Variants in CHD3 observed in about 807,000 individuals in gnomAD.
CHD3 encodes ATP-dependent chromatin remodeler CHD3.
A neutral mutation model predicts 248.9 loss-of-function variants in CHD3; 52 were observed. That is an observed-to-expected ratio of 0.21 (90% CI 0.17 to 0.26). CHD3 has a LOEUF of 0.26. CHD3 is among the 10% of genes least tolerant of loss of function. The pLI is 1.00. For synonymous variants in CHD3, 985 were observed against 985.2 expected, an observed-to-expected ratio of 1.00 and a Z score of 0.00; for missense variants, 1,482 against 2,605.8, an observed-to-expected ratio of 0.57 and a Z score of 9.39.
chr17:7,897,290 C>T lies in CHD3; in HGVS notation c.1915C>T (p.His639Tyr). Residue 639 changes from histidine to tyrosine, a missense_variant, in exon 11 of 40, where the codon CAC (histidine) becomes TAC (tyrosine). His to Tyr is a moderately conservative substitution (Grantham distance 83). Around this residue, in one of 20 missense-constraint regions of CHD3, gnomAD observed 127 missense variants for 188.3 expected, o/e 0.67. Transcript: ENST00000330494. This position sits in a 1 kb window ranked among gnomAD's most constrained non-coding sequence, Gnocchi z 4.8. Reference sequence around the variant, plus strand: ...GATGACCGTCCACCGCATCATCAACCACAGGTGAATCCTCGGTCCCTGGGA... The same window carrying T: ...GATGACCGTCCACCGCATCATCAACTACAGGTGAATCCTCGGTCCCTGGGA... ...EWMTVHRIIN[H>Y]SVDKKGNYHY... The T allele has an allele frequency of 6.2e-7, 1 of 1,613,264 alleles. No individual in the cohort carries two copies. Among genetic ancestry groups the T allele is most frequent in the South Asian group, 1.1e-5 (1 of 91,072 alleles).
chr17:7,890,884 C>T (rs12450454), intron 3 of CHD3, 56 bp from the exon 4 acceptor site: 156 of 1,608,320 alleles, frequency 9.7e-5, no homozygotes, highest in Non-Finnish European at 8.1e-5. Flanking sequence ...GGCCTGTGTG[C>T]GGCCTGGAAT....
chr17:7,891,722 G>T (rs1230307074), intron 4 of CHD3, among the ~76,000 whole-genome samples: 1 of 152,072 alleles, frequency 6.6e-6, no homozygotes, highest in South Asian at 2.1e-4. Context: ...TTAGCTGGGC[G>T]TGGTGGCACA....
At position 7,907,801 on chromosome 17, in the gene CHD3, T is replaced by A; in HGVS notation, c.5027-93T>A. On this transcript the variant is annotated intron_variant, in intron 33 of 39. Coordinates refer to ENST00000330494, the MANE Select transcript of CHD3 (RefSeq NM_001005273.3). This position sits in a 1 kb window ranked among gnomAD's most constrained non-coding sequence, Gnocchi z 4.3. ...CTTGGGTCCTGGGCGGGTAGCTGTT[T>A]GAAAGGCCAGTACAGTACAGTACAG... is the stretch of plus-strand genomic sequence containing the variant. 6.6e-7 allele frequency: 1 copy of A among 1,516,282 alleles called. No individual in the cohort carries two copies. Among genetic ancestry groups the A allele is most frequent in the Non-Finnish European group, 8.8e-7 (1 of 1,133,902 alleles). 93.9% of individuals were successfully genotyped at this position (1,516,282 alleles called of 1,614,324 possible). A position where few individuals can be genotyped will look rare whatever the true frequency, so the allele number is the denominator to read the frequency against.
In CHD3 at chr17:7,899,106, C is replaced by T; in HGVS notation, c.2247C>T (p.Phe749=). Reference sequence around the variant, plus strand: ...TGGAAGGGCTGAACTGGCTACGCTTCTCCTGGGCCCAGGGCACTGACACCA... The same window carrying T: ...TGGAAGGGCTGAACTGGCTACGCTTTTCCTGGGCCCAGGGCACTGACACCA... ...YQLEGLNWLR[F]SWAQGTDTIL... Residue 749 remains phenylalanine (F), a synonymous_variant, in exon 14 of 40, where the codon TTC becomes TTT. Coordinates refer to ENST00000330494, the MANE Select transcript of CHD3 (RefSeq NM_001005273.3). This position sits in a 1 kb window ranked among gnomAD's most constrained non-coding sequence, Gnocchi z 6.8. 6.2e-7 allele frequency: 1 copy of T among 1,614,190 alleles called. No homozygotes were observed. The highest frequency in any genetic ancestry group is 1.3e-5 in the African/African-American group (1 of 75,038).
At chr17:7,885,818 G>T (rs1967831943), upstream of CHD3, among the ~76,000 whole-genome samples, 1 of 152,216 alleles carries the variant, frequency 6.6e-6, no homozygotes, top group Non-Finnish European at 1.5e-5. Flanking sequence ...ATGAGTAGGG[G>T]CAGGTGGTGG....
rs1971130859 is a variant in CHD3, at chr17:7,907,553, G to A, written c.4925-48G>A. 6.5e-7 allele frequency: 1 copy of A among 1,528,634 alleles called. No individual in the cohort carries two copies. The allele number at this position is 1,528,634 out of a possible 1,614,324, so 94.7% of individuals were successfully genotyped here. ...TGGGATTTCCCTCTTCTGGGGTCAGGGGATGAGGGTAACATCCTCCCTTCC... is the reference window on the plus strand; with the variant it reads ...TGGGATTTCCCTCTTCTGGGGTCAGAGGATGAGGGTAACATCCTCCCTTCC... On this transcript the variant is annotated intron_variant, in intron 32 of 39. Transcript: ENST00000330494. This position sits in a 1 kb window ranked among gnomAD's most constrained non-coding sequence, Gnocchi z 4.3.
chr17:7,894,852 T>C, intron 8 of CHD3, 65 bp from the exon 9 acceptor site: 4 of 1,588,676 alleles, frequency 2.5e-6, no homozygotes, highest in Non-Finnish European at 3.4e-6. Context: ...TGTCTTTGCC[T>C]GTATCTTCCA....
At position 7,909,303 on chromosome 17, in the gene CHD3, C is replaced by G; in HGVS notation, c.5555C>G (p.Ala1852Gly). The change falls in exon 37 of 40, where the codon GCG (alanine) becomes GGG (glycine). Residue 1852 changes from alanine (A) to glycine (G), a missense_variant. This residue lies in a region of CHD3 where 83 missense variants were observed against 181.0 expected (regional missense o/e 0.46). Transcript: ENST00000330494. This position sits in a 1 kb window ranked among gnomAD's most constrained non-coding sequence, Gnocchi z 8.1. ...CAGCACCTCTCCAAGGAGTCGCTGG[C>G]GGGGAACAAGCCGGCCAACGCCGTC... ...SHQHLSKESLAGNKPANAVLH... is the reference protein window; with the variant it reads ...SHQHLSKESLGGNKPANAVLH... 1 of 1,561,080 alleles carries G rather than the reference C, an allele frequency of 6.4e-7. No individual in the cohort carries two copies. The highest frequency in any genetic ancestry group is 8.7e-7 in the Non-Finnish European group (1 of 1,154,442).
In CHD3 at chr17:7,912,188, G is replaced by A. The variant is rs1971743386; in HGVS notation, c.*603G>A. On this transcript the variant is annotated 3_prime_UTR_variant, in exon 40 of 40. Coordinates refer to ENST00000330494, the MANE Select transcript of CHD3 (RefSeq NM_001005273.3). ...TGTTCAGCCTCAGAATAAAGGTGCC[G>A]TTCACTGGCTCAGTTACCTCCTGTG... 1 of 179,308 alleles carries A rather than the reference G, an allele frequency of 5.6e-6. No homozygotes were observed. The highest frequency in any genetic ancestry group is 1.2e-5 in the Non-Finnish European group (1 of 86,354). 11.1% of individuals were successfully genotyped at this position (179,308 alleles called of 1,614,324 possible).
rs1969820008 is a variant in CHD3, at chr17:7,897,404, G to T, written c.1919+110G>T. 2.1e-6 allele frequency: 2 copies of T among 952,004 alleles called. No individual in the cohort carries two copies. Among genetic ancestry groups the T allele is most frequent in the Non-Finnish European group, 3.2e-6 (2 of 623,678 alleles). 59.0% of individuals were successfully genotyped at this position (952,004 alleles called of 1,614,324 possible). ...TTAACCAGGTAATTGATCTAACCTT[G>T]ATAACCTCTGCTGTAGCTCCAGCCT... On this transcript the variant is annotated intron_variant, in intron 11 of 39. Coordinates refer to ENST00000330494, the MANE Select transcript of CHD3 (RefSeq NM_001005273.3). The surrounding 1 kb of genome is among the most constrained non-coding windows in gnomAD (Gnocchi z 4.8).
At position 7,901,348 on chromosome 17, in the gene CHD3, A is replaced by G. The variant is rs752517649; in HGVS notation, c.3225A>G (p.Gln1075=). 56 of 1,612,802 alleles carry G rather than the reference A, an allele frequency of 3.5e-5. 1 individual carries two copies. In the South Asian group the frequency reaches 5.9e-4, roughly 17 times the overall value. The change falls in exon 20 of 40, where the codon CAA becomes CAG. Residue 1075 remains glutamine (Q), a synonymous_variant. Transcript: ENST00000330494. Reference sequence around the variant, plus strand: ...AGATGCTGCGAAAGCTGAAGGAGCAAGGACACCGAGTGCTCATCTTCTCGC... The same window carrying G: ...AGATGCTGCGAAAGCTGAAGGAGCAGGGACACCGAGTGCTCATCTTCTCGC... The part of the protein sequence containing the change: ...LQKMLRKLKE[Q]GHRVLIFSQM...
At position 7,893,400 on chromosome 17, in the gene CHD3, T is replaced by G; in HGVS notation, c.624T>G (p.Ala208=). 6.2e-7 allele frequency: 1 copy of G among 1,612,998 alleles called. No individual in the cohort carries two copies. The highest frequency in any genetic ancestry group is 8.5e-7 in the Non-Finnish European group (1 of 1,179,628). The change falls in exon 5 of 40, where the codon GCT becomes GCG. Residue 208 remains alanine, a synonymous_variant. Transcript: ENST00000330494. ...ANNPFKGSAA[A]VAAAAAAAAA... ...ACCCCTTCAAGGGGTCAGCAGCTGC[T>G]GTGGCGGCGGCAGCGGCAGCAGCAG...
In CHD3 at chr17:7,907,080, C is replaced by G; in HGVS notation, c.4667-46C>G. 3 of 1,613,826 alleles carry G rather than the reference C, an allele frequency of 1.9e-6. No homozygotes were observed. Among genetic ancestry groups the G allele is most frequent in the Non-Finnish European group, 2.5e-6 (3 of 1,179,812 alleles). On this transcript the variant is annotated intron_variant, in intron 30 of 39. Coordinates refer to ENST00000330494, the MANE Select transcript of CHD3 (RefSeq NM_001005273.3). The surrounding 1 kb of genome is among the most constrained non-coding windows in gnomAD (Gnocchi z 4.3). ...GAGAGACAGAAAGGGAGCCAGGAGT[C>G]AGGGCGGGAGAATCTCTGTCTTTAT...
chr17:7,897,211 G>C lies in CHD3; in HGVS notation c.1836G>C (p.Pro612=), dbSNP rs752055513. The change falls in exon 11 of 40, where the codon CCG becomes CCC. Residue 612 remains proline (P), a synonymous_variant. Transcript: ENST00000330494. This position sits in a 1 kb window ranked among gnomAD's most constrained non-coding sequence, Gnocchi z 4.8. Reference sequence around the variant, plus strand: ...GCGACAAGCGTAAAGTGAAAGACCCGCACTATGCTGAGATGGAGGAGAAGT... The same window carrying C: ...GCGACAAGCGTAAAGTGAAAGACCCCCACTATGCTGAGATGGAGGAGAAGT... ...GKSDKRKVKD[P]HYAEMEEKYY... The C allele has an allele frequency of 1.2e-6, 2 of 1,614,026 alleles. No homozygotes were observed.
Position 7,905,606 on chromosome 17 carries a change from C to A in CHD3, c.4139-15C>A. The A allele has an allele frequency of 6.4e-7, 1 of 1,565,486 alleles. No homozygotes were observed. The highest frequency in any genetic ancestry group is 1.2e-5 in the South Asian group (1 of 84,310). On this transcript the variant is annotated splice_polypyrimidine_tract_variant and intron_variant, in intron 26 of 39. Coordinates refer to ENST00000330494, the MANE Select transcript of CHD3 (RefSeq NM_001005273.3). This position sits in a 1 kb window ranked among gnomAD's most constrained non-coding sequence, Gnocchi z 5.8. Reference sequence around the variant, plus strand: ...AGGTGGTGGCTCAGCTAACTGATGTCATCCCCACCCTCAGGGCGTAGACAG... The same window carrying A: ...AGGTGGTGGCTCAGCTAACTGATGTAATCCCCACCCTCAGGGCGTAGACAG...
chr17:7,899,474 C>T lies in CHD3; in HGVS notation c.2475C>T (p.Ile825=). ...CGGGTGACAAGGACAGCCGGGCCAT[C>T]ATTCGTGAGAATGAATTCTCCTTTG... ...TYTGDKDSRA[I]IRENEFSFED... Residue 825 remains isoleucine (I), a synonymous_variant, in exon 15 of 40, where the codon ATC becomes ATT. Coordinates refer to ENST00000330494, the MANE Select transcript of CHD3 (RefSeq NM_001005273.3). The surrounding 1 kb of genome is among the most constrained non-coding windows in gnomAD (Gnocchi z 6.8). The T allele has an allele frequency of 6.2e-7, 1 of 1,614,190 alleles. No homozygotes were observed. Among genetic ancestry groups the T allele is most frequent in the Non-Finnish European group, 8.5e-7 (1 of 1,180,040 alleles).
At chr17:7,890,917 TC>T (rs1567836009) in intron 3 of CHD3, 22 bp from the exon 4 acceptor site, 1 of 1,613,572 alleles carries the variant, frequency 6.2e-7, no homozygotes, top group East Asian at 2.2e-5. Context: ...AGCACCTACT[TC>T]ACCAAAGCCC....
chr17:7,909,428 A>C lies in CHD3; in HGVS notation c.5590+90A>C, dbSNP rs1971381662. The C allele has an allele frequency of 7.1e-7, 1 of 1,412,572 alleles. No individual in the cohort carries two copies. Among genetic ancestry groups the C allele is most frequent in the Non-Finnish European group, 9.3e-7 (1 of 1,079,072 alleles). 87.5% of individuals were successfully genotyped at this position (1,412,572 alleles called of 1,614,324 possible). A position where few individuals can be genotyped will look rare whatever the true frequency, so the allele number is the denominator to read the frequency against. ...CCCCTCAAAATCTTCCCACCCCCTG[A>C]CCCCTCTACCTGCTGAACCATCCCC... On this transcript the variant is annotated intron_variant, in intron 37 of 39. Transcript: ENST00000330494. This position sits in a 1 kb window ranked among gnomAD's most constrained non-coding sequence, Gnocchi z 8.1.
intron 8 of CHD3, 74 bp from the exon 9 acceptor site, chr17:7,894,843 G>A: frequency 6.3e-7 from 1 of 1,580,774 alleles, no homozygotes. Flanking sequence ...CAGGTGTCCT[G>A]TCTTTGCCTG....
Sources: gnomAD v4.1 joint callset for allele counts (sites outside exome capture counted in the v4.1 genomes callset) on GRCh38, gnomAD v4.1.1 for gene constraint, gnomAD v4.1.1 regional missense constraint, Gnocchi (gnomAD v3.1) non-coding constraint, MANE v1.5 for transcripts, NCBI Gene and HGNC (gene_info 2026-07-23, HGNC 2026-07-21) for gene names.